The following ARHGEF12 variants were observed in gnomAD, a reference collection of about 807,000 sequenced individuals.
The protein encoded by ARHGEF12 is Rho guanine nucleotide exchange factor 12.
ARHGEF12 carries 66 observed loss-of-function variants against 211.2 expected under a neutral mutation model. That is an observed-to-expected ratio of 0.31 (90% CI 0.26 to 0.38). ARHGEF12 has a LOEUF of 0.38. Among genes scored for constraint, ARHGEF12 ranks in the 10% least tolerant of loss-of-function variants. The probability of loss-of-function intolerance (pLI) is 1.00; values close to 1 mark genes in which losing one functional copy is unlikely to be tolerated. For missense variants in ARHGEF12, 1,429 were observed against 1,869.5 expected, an observed-to-expected ratio of 0.76 and a Z score of 4.34; for synonymous variants, 592 against 638.4, an observed-to-expected ratio of 0.93 and a Z score of 1.09.
chr11:120,411,223 C>G (rs1260716067), intron 4 of ARHGEF12: 1 of 152,138 alleles, frequency 6.6e-6, no homozygotes, highest in Admixed American at 6.5e-5. Flanking sequence ...TTGGAAGGAA[C>G]TGAGTCCACA....
At chr11:120,402,327 G>C (rs1944568050) in intron 1 of ARHGEF12, among the ~76,000 whole-genome samples, 1 of 152,114 alleles carries the variant, frequency 6.6e-6, no homozygotes, top group African/African-American at 2.4e-5. Context: ...AAAATTACCT[G>C]CATTGTTGTC....
intron 1 of ARHGEF12, among the ~76,000 whole-genome samples, chr11:120,353,308 A>G (rs1031251216): frequency 4.6e-5 from 7 of 152,220 alleles, no homozygotes; most frequent in Middle Eastern, 3.2e-3. Context: ...CATTGGATCA[A>G]TTATCACAGT....
chr11:120,460,515 A>G (rs2135902092), intron 26 of ARHGEF12, among the ~76,000 whole-genome samples, 157 bp from the exon 27 acceptor site: 1 of 152,314 alleles, frequency 6.6e-6, no homozygotes, highest in Middle Eastern at 3.4e-3. Context: ...CCAGATGTGT[A>G]AGCACTATGT....
intron 1 of ARHGEF12, among the ~76,000 whole-genome samples, chr11:120,397,154 A>G (rs938578302): frequency 9.2e-5 from 14 of 152,172 alleles, no homozygotes; most frequent in South Asian, 8.3e-4. Flanking sequence ...TTTGTTTTCT[A>G]CTTTCAACAC....
chr11:120,402,189 T>C (rs1176011878), intron 1 of ARHGEF12, among the ~76,000 whole-genome samples: 2 of 152,194 alleles, frequency 1.3e-5, no homozygotes, highest in Non-Finnish European at 2.9e-5. Flanking sequence ...CCCAAGGCCT[T>C]GAAATTTTAG....
At chr11:120,391,717 C>T (rs1214142951) in intron 1 of ARHGEF12, among the ~76,000 whole-genome samples, 1 of 152,200 alleles carries the variant, frequency 6.6e-6, no homozygotes, top group Non-Finnish European at 1.5e-5. Flanking sequence ...AAGTTTCAGA[C>T]ATAATCTAGA....
chr11:120,457,912 C>A, intron 24 of ARHGEF12, 156 bp downstream of exon 24: 2 of 1,126,794 alleles, frequency 1.8e-6, no homozygotes, highest in Non-Finnish European at 1.2e-6. Flanking sequence ...CATTCAAAAG[C>A]TGTATTTTGA....
At chr11:120,447,145 A>AGT in intron 18 of ARHGEF12, 60 bp downstream of exon 18, 2 of 1,568,658 alleles carry the variant, frequency 1.3e-6, no homozygotes, top group Middle Eastern at 1.7e-4. Flanking sequence ...TTATGCTTGA[A>AGT]GTGTCCTTTG....
At chr11:120,379,391 A>G (rs1367754497) in intron 1 of ARHGEF12, among the ~76,000 whole-genome samples, 3 of 152,002 alleles carry the variant, frequency 2.0e-5, no homozygotes, top group South Asian at 4.1e-4. Flanking sequence ...AGCCTTTTAT[A>G]TATTTATTTT....
At chr11:120,422,193 A>G (rs1325106741) in intron 6 of ARHGEF12, among the ~76,000 whole-genome samples, 1 of 152,232 alleles carries the variant, frequency 6.6e-6, no homozygotes, top group African/African-American at 2.4e-5. Context: ...AAATGCTCCC[A>G]ACTCTGCAAG....
intron 1 of ARHGEF12, among the ~76,000 whole-genome samples, chr11:120,351,713 T>C (rs1591489426): frequency 1.3e-5 from 2 of 151,966 alleles, no homozygotes; most frequent in South Asian, 4.2e-4. Context: ...TCAGATGATC[T>C]GCCCGCCTCG....
intron 7 of ARHGEF12, among the ~76,000 whole-genome samples, chr11:120,425,692 T>C (rs1213031750): frequency 2.6e-5 from 4 of 151,040 alleles, no homozygotes; most frequent in Admixed American, 2.0e-4. Flanking sequence ...GTCCACCACC[T>C]AAAATATAAC....
At chr11:120,353,985 G>A (rs1943063975) in intron 1 of ARHGEF12, among the ~76,000 whole-genome samples, 1 of 152,142 alleles carries the variant, frequency 6.6e-6, no homozygotes, top group Non-Finnish European at 1.5e-5. Context: ...AGGATACAGA[G>A]CCCCAGAACC....
chr11:120,387,446 G>A (rs1020751918), intron 1 of ARHGEF12, among the ~76,000 whole-genome samples: 1 of 152,028 alleles, frequency 6.6e-6, no homozygotes, highest in Non-Finnish European at 1.5e-5. Context: ...TAATAGACTT[G>A]TATAGTACAT....
At chr11:120,431,132 A>AC (rs1945516106) in intron 10 of ARHGEF12, among the ~76,000 whole-genome samples, 1 of 151,982 alleles carries the variant, frequency 6.6e-6, no homozygotes, top group South Asian at 2.1e-4. Context: ...TCTACTAAAA[A>AC]TAAAAAAATT....
chr11:120,367,468 C>T (rs913253697), intron 1 of ARHGEF12, among the ~76,000 whole-genome samples: 14 of 142,820 alleles, frequency 9.8e-5, no homozygotes, highest in South Asian at 2.3e-4. Context: ...TGGGTTCAAG[C>T]GATTCTCCTG....
rs1301194041 is a variant in ARHGEF12, at chr11:120,442,112, T to C, written c.1212T>C (p.Tyr404=). Residue 404 remains tyrosine, a synonymous_variant, in exon 15 of 41, where the codon TAT becomes TAC. Coordinates refer to ENST00000397843, the MANE Select transcript of ARHGEF12 (RefSeq NM_015313.3). ...TCCTTTCTCCACTACAGCTCTGTTA[T>C]CTCTATTCAGACCTGTATAAACATA... is the stretch of plus-strand genomic sequence containing the variant. ...SQFDPATLLC[Y]LYSDLYKHTN... 6.3e-6 allele frequency: 10 copies of C among 1,594,548 alleles called. No individual in the cohort carries two copies. Among genetic ancestry groups the C allele is most frequent in the East Asian group, 2.2e-5 (1 of 44,760 alleles).
chr11:120,386,424 C>T (rs1944031369), intron 1 of ARHGEF12, among the ~76,000 whole-genome samples: 1 of 152,082 alleles, frequency 6.6e-6, no homozygotes, highest in Non-Finnish European at 1.5e-5. Context: ...AGACTGAAAA[C>T]ATGTTGAAGC....
chr11:120,446,302 C>A, intron 16 of ARHGEF12, 101 bp from the exon 17 acceptor site: 1 of 696,584 alleles, frequency 1.4e-6, no homozygotes, highest in Non-Finnish European at 2.2e-6. Flanking sequence ...TTCCCTCTGG[C>A]ATATTCTAAG....
Sources: gnomAD v4.1 joint callset for allele counts (sites outside exome capture counted in the v4.1 genomes callset) on GRCh38, gnomAD v4.1.1 for gene constraint, MANE v1.5 for transcripts, NCBI Gene and HGNC (gene_info 2026-07-23, HGNC 2026-07-21) for gene names.